Variants in CDH23 observed in about 807,000 individuals in gnomAD.
CDH23 encodes cadherin related 23.
Under a neutral mutation model 317.1 loss-of-function variants are expected in CDH23, and 189 were observed. The ratio of observed to expected loss-of-function variants is 0.60; its 90% CI spans 0.53 to 0.67. CDH23 has a LOEUF of 0.67. Among genes scored for constraint, CDH23 ranks in the 30% least tolerant of loss-of-function variants. The probability of loss-of-function intolerance (pLI) is 0.00; values close to 1 mark genes in which losing one functional copy is unlikely to be tolerated. For missense variants in CDH23, 4,401 were observed against 4,592.4 expected (o/e 0.96, Z 1.20); for synonymous variants, 1,839 against 1,876.8 (o/e 0.98, Z 0.52).
At position 71,812,144 on chromosome 10, in the gene CDH23, C is replaced by CCACCCTCCCTT. The variant is rs150570728; in HGVS notation, c.9380+140_9380+150dup. 3.9e-3 allele frequency: 6,272 copies of CCACCCTCCCTT among 1,594,198 alleles called. 180 individuals are homozygous for CCACCCTCCCTT. The African/African-American group carries it at 0.067, about 17-fold the overall frequency. ...CTGTGGGCGCCCCCTGGTGGGCGGG[C>CCACCCTCCCTT]CACCCTCCCTTCACCCTCCCTCCAC... On this transcript the variant is annotated intron_variant, in intron 66 of 69. Transcript: ENST00000224721.
At chr10:71,496,076 G>A (rs1180912871) in intron 3 of CDH23, among the ~76,000 whole-genome samples, 1 of 152,146 alleles carries the variant, frequency 6.6e-6, no homozygotes, top group Non-Finnish European at 1.5e-5. Context: ...CTCTAACCGG[G>A]TGGTTCTTAA....
chr10:71,416,280 C>A (rs1004017697), intron 1 of CDH23, among the ~76,000 whole-genome samples: 1 of 152,124 alleles, frequency 6.6e-6, no homozygotes, highest in Non-Finnish European at 1.5e-5. Flanking sequence ...CCGCCTTGGC[C>A]TCCTGAAGTG....
Position 71,631,455 on chromosome 10 carries a change from C to T in CDH23, c.1135-12406C>T, listed in dbSNP as rs114704801. On this transcript the variant is annotated intron_variant, in intron 11 of 69. Coordinates refer to ENST00000224721, the MANE Select transcript of CDH23 (RefSeq NM_022124.6). ...ACTGATGACAGGAGGAAGATTGAGG[C>T]GAAGGAGGGAGTGGAGTGTGCAGGA... 7.6e-3 allele frequency among the ~76,000 whole-genome samples: 1,157 copies of T among 152,152 alleles called. 16 individuals carry two copies. The highest frequency in any genetic ancestry group is 0.026 in the African/African-American group (1,090 of 41,512).
At chr10:71,618,958 T>A (rs977922482) in intron 11 of CDH23, among the ~76,000 whole-genome samples, 3 of 152,198 alleles carry the variant, frequency 2.0e-5, no homozygotes, top group African/African-American at 7.2e-5. Context: ...AGGAGCTATA[T>A]TTAGCCTCTT....
At chr10:71,693,726 A>G (rs544439753) in intron 20 of CDH23, among the ~76,000 whole-genome samples, 19 of 152,318 alleles carry the variant, frequency 1.2e-4, no homozygotes, top group African/African-American at 4.1e-4. Context: ...CCCTATGAGG[A>G]AACTGAGGCA....
chr10:71,645,064 G>C (rs1316558874), intron 12 of CDH23, among the ~76,000 whole-genome samples: 1 of 152,252 alleles, frequency 6.6e-6, no homozygotes, highest in Admixed American at 6.5e-5. Flanking sequence ...TCTGTGAGGA[G>C]AGTCAGGTAG....
chr10:71,712,674 C>T lies in CDH23; in HGVS notation c.3230C>T (p.Pro1077Leu), dbSNP rs202101019. The change falls in exon 28 of 70, where the codon CCT becomes CTT. Residue 1077 changes from proline (P) to leucine (L), a missense_variant. By Grantham distance (98) the Pro-to-Leu change is moderately conservative. Coordinates refer to ENST00000224721, the MANE Select transcript of CDH23 (RefSeq NM_022124.6). ...MLILEAIDNG[P>L]VGKRHTGTAT... ...CCTTCAACTCCCACAGACAACGGCC[C>T]TGTAGGGAAGCGACACACGGGCACA... 133 of 1,613,634 alleles carry T rather than the reference C, an allele frequency of 8.2e-5. No individual in the cohort carries two copies. In the African/African-American group the frequency reaches 1.3e-3, roughly 16 times the overall value.
At chr10:71,735,695 T>G (rs1232918605) in intron 34 of CDH23, among the ~76,000 whole-genome samples, 1 of 152,174 alleles carries the variant, frequency 6.6e-6, no homozygotes, top group Non-Finnish European at 1.5e-5. Context: ...CAAACACAAT[T>G]TCTTGGGGTT....
At position 71,707,375 on chromosome 10, in the gene CDH23, G is replaced by C. The variant is rs369249651; in HGVS notation, c.3106+326G>C. 4.4e-6 allele frequency: 6 copies of C among 1,362,740 alleles called. No homozygotes were observed. In the East Asian group the frequency reaches 1.6e-4, roughly 36 times the overall value. 84.4% of individuals were successfully genotyped at this position (1,362,740 alleles called of 1,614,324 possible). A position where few individuals can be genotyped will look rare whatever the true frequency, so the allele number is the denominator to read the frequency against. On this transcript the variant is annotated intron_variant, in intron 26 of 69. Transcript: ENST00000224721. ...GGAGGAGCCCTGAGCCCCACTCCCCGCCCCAAGTCTGGGTGACAGAGCAGT... is the reference window on the plus strand; with the variant it reads ...GGAGGAGCCCTGAGCCCCACTCCCCCCCCCAAGTCTGGGTGACAGAGCAGT...
intron 20 of CDH23, among the ~76,000 whole-genome samples, chr10:71,693,943 C>T (rs1865277505): frequency 1.3e-5 from 2 of 152,120 alleles, no homozygotes; most frequent in African/African-American, 4.8e-5. Flanking sequence ...CCTGGGGAAC[C>T]AGCTCCCAAG....
Position 71,795,992 on chromosome 10 carries a change from G to A in CDH23, c.6713-1112G>A, listed in dbSNP as rs572862179. 5.3e-5 allele frequency: 52 copies of A among 986,006 alleles called. No homozygotes were observed. The South Asian group carries it at 8.0e-4, about 15-fold the overall frequency. The allele number at this position is 986,006 out of a possible 1,614,324, so 61.1% of individuals were successfully genotyped here. ...CAGCCTTTGCAGACTGAATGCAGCC[G>A]CCCTCTCCCCATCCTCGCTCCCCAG... On this transcript the variant is annotated intron_variant, in intron 48 of 69. Coordinates refer to ENST00000224721, the MANE Select transcript of CDH23 (RefSeq NM_022124.6).
chr10:71,429,884 C>T (rs755516030), intron 1 of CDH23, among the ~76,000 whole-genome samples: 2 of 152,224 alleles, frequency 1.3e-5, no homozygotes, highest in African/African-American at 2.4e-5. Flanking sequence ...AGGACAAGGG[C>T]ATGGCCAGCT....
chr10:71,732,525 G>C, intron 32 of CDH23, 150 bp downstream of exon 32: 1 of 1,331,946 alleles, frequency 7.5e-7, no homozygotes, highest in African/African-American at 1.5e-5. Flanking sequence ...CCAGCTGCTT[G>C]AGAGGCTGGG....
chr10:71,397,151 C>A lies in CDH23; in HGVS notation c.-173C>A, dbSNP rs1483462219. On this transcript the variant is annotated 5_prime_UTR_variant, in exon 1 of 70. Transcript: ENST00000224721. The surrounding 1 kb of genome is among the most constrained non-coding windows in gnomAD (Gnocchi z 4.8). ...CGAGCGGCGAGCGGCGAGCGGCGAG[C>A]GGCCCGCGGAGACCCAGGAGCTGCC... 1.1e-5 allele frequency: 2 copies of A among 188,724 alleles called. No individual in the cohort carries two copies. Among genetic ancestry groups the A allele is most frequent in the Non-Finnish European group, 2.2e-5 (2 of 92,994 alleles). The allele number at this position is 188,724 out of a possible 1,614,324, so 11.7% of individuals were successfully genotyped here.
chr10:71,739,512 A>T (rs982193453), intron 35 of CDH23, 132 bp from the exon 36 acceptor site: 1 of 1,086,134 alleles, frequency 9.2e-7, no homozygotes, highest in Non-Finnish European at 1.3e-6. Flanking sequence ...TGCTTAAAAC[A>T]CTGCACTCCC....
chr10:71,694,383 C>A, intron 21 of CDH23, 124 bp downstream of exon 21: 3 of 715,196 alleles, frequency 4.2e-6, no homozygotes, highest in South Asian at 1.8e-5. Context: ...AGCAAGGGGG[C>A]GAAAATGAAC....
chr10:71,540,410 T>C lies in CDH23; in HGVS notation c.430-26332T>C, dbSNP rs527328951. Among the ~76,000 whole-genome samples the C allele has an allele frequency of 6.6e-4, 101 of 152,176 alleles. 1 individual carries two copies. The highest frequency in any genetic ancestry group is 5.0e-3 in the Admixed American group (77 of 15,270). Reference sequence around the variant, plus strand: ...CAGTTACTAGACTGTGGTCAAGGAATGTCTCACCCGCCCCAGCCTTCCCAG... The same window carrying C: ...CAGTTACTAGACTGTGGTCAAGGAACGTCTCACCCGCCCCAGCCTTCCCAG... On this transcript the variant is annotated intron_variant, in intron 6 of 69. Coordinates refer to ENST00000224721, the MANE Select transcript of CDH23 (RefSeq NM_022124.6).
At chr10:71,559,856 C>T (rs774748094) in intron 6 of CDH23, among the ~76,000 whole-genome samples, 4 of 152,360 alleles carry the variant, frequency 2.6e-5, no homozygotes, top group East Asian at 1.9e-4. Context: ...TATCGCTCCC[C>T]GATTCCTCCA....
chr10:71,694,584 A>G (rs1244896234), intron 21 of CDH23, among the ~76,000 whole-genome samples: 1 of 152,124 alleles, frequency 6.6e-6, no homozygotes, highest in Admixed American at 6.5e-5. Context: ...GCCTGTCAAC[A>G]AAGCAGAAGC....
Sources: gnomAD v4.1 joint callset for allele counts (sites outside exome capture counted in the v4.1 genomes callset) on GRCh38, gnomAD v4.1.1 for gene constraint, Gnocchi (gnomAD v3.1) non-coding constraint, MANE v1.5 for transcripts, NCBI Gene and HGNC (gene_info 2026-07-23, HGNC 2026-07-21) for gene names.